Variants in OTUD5 observed in about 807,000 individuals in gnomAD.
The protein encoded by OTUD5 is OTU deubiquitinase 5.
Under a neutral mutation model 36.3 loss-of-function variants are expected in OTUD5, and 2 were observed. The ratio of observed to expected loss-of-function variants is 0.06; its 90% CI spans 0.02 to 0.17. The LOEUF is 0.17. Among genes scored for constraint, OTUD5 ranks in the 10% least tolerant of loss-of-function variants. The pLI is 1.00. For synonymous variants in OTUD5, 234 were observed against 214.9 expected (o/e 1.09, Z -0.78); for missense variants, 233 against 512.3 (o/e 0.45, Z 5.26).
intron 2 of OTUD5, among the ~76,000 whole-genome samples, chrX:48,942,479 G>T (rs1410812544): frequency 9.0e-6 from 1 of 110,833 alleles, no homozygotes; most frequent in Non-Finnish European, 1.9e-5. Flanking sequence ...CCCACATCTA[G>T]CCTGAGGTCT....
intron 2 of OTUD5, among the ~76,000 whole-genome samples, chrX:48,941,844 A>G (rs2063929375): frequency 8.9e-6 from 1 of 111,804 alleles, no homozygotes; most frequent in Non-Finnish European, 1.9e-5. Context: ...TCCCCTTCCC[A>G]GGCACATGTA....
At chrX:48,945,914 G>A (rs2064019878) in intron 1 of OTUD5, among the ~76,000 whole-genome samples, 1 of 110,864 alleles carries the variant, frequency 9.0e-6, no homozygotes, top group South Asian at 3.7e-4. Flanking sequence ...CCAACCAGAA[G>A]CAGCAGACCT....
chrX:48,947,226 A>C (rs1022692245), intron 1 of OTUD5, among the ~76,000 whole-genome samples: 2 of 110,224 alleles, frequency 1.8e-5, no homozygotes, highest in Admixed American at 9.6e-5. Context: ...TAAAAAATAC[A>C]AAAAAAAATT....
At chrX:48,951,373 G>A (rs1236580337) in intron 1 of OTUD5, among the ~76,000 whole-genome samples, 3 of 112,020 alleles carry the variant, frequency 2.7e-5, no homozygotes. Flanking sequence ...CCAGCACTTT[G>A]GGAGGCCGAG....
intron 1 of OTUD5, among the ~76,000 whole-genome samples, chrX:48,953,108 G>A (rs1371175977): frequency 8.9e-6 from 1 of 111,882 alleles, no homozygotes; most frequent in Non-Finnish European, 1.9e-5. Flanking sequence ...AGATGCTGAG[G>A]TCTGGAGGTG....
intron 1 of OTUD5, among the ~76,000 whole-genome samples, chrX:48,951,808 C>G (rs937496802): frequency 9.8e-5 from 11 of 112,082 alleles, no homozygotes; most frequent in African/African-American, 3.6e-4. Context: ...AATCCCAGCA[C>G]TTTGGGAGGC....
chrX:48,957,826 C>A, upstream of OTUD5: 1 of 761,654 alleles, frequency 1.3e-6, no homozygotes, highest in Non-Finnish European at 1.6e-6. Flanking sequence ...GCGAGTTTGT[C>A]TTAGCCTTCT....
intron 2 of OTUD5, among the ~76,000 whole-genome samples, chrX:48,941,806 G>A (rs1216250460): frequency 8.9e-6 from 1 of 111,812 alleles, no homozygotes; most frequent in Non-Finnish European, 1.9e-5. Flanking sequence ...GGCTGGAAAC[G>A]GGGGCAGCAA....
In OTUD5 at chrX:48,922,243, C is replaced by T. The variant is rs2063593077; in HGVS notation, c.*931G>A. 1 of 111,581 alleles carries T rather than the reference C, an allele frequency of 9.0e-6. No homozygotes were observed. 9.2% of individuals were successfully genotyped at this position (111,581 alleles called of 1,213,427 possible). The stretch of plus-strand genomic sequence containing the variant: ...ACATTTGGTTTTATTGTGCCAAGGA[C>T]ATTACAGATGGCGGATCTTGTCAAC... On this transcript the variant is annotated 3_prime_UTR_variant, in exon 9 of 9. Coordinates refer to ENST00000376488, the MANE Select transcript of OTUD5 (RefSeq NM_001136157.2).
At chrX:48,935,218 AAG>A (rs2063811632) in intron 2 of OTUD5, among the ~76,000 whole-genome samples, 200 bp from the exon 3 acceptor site, 1 of 112,185 alleles carries the variant, frequency 8.9e-6, no homozygotes, top group African/African-American at 3.2e-5. Flanking sequence ...CTTGAAGAAC[AAG>A]AGAGTGCAGG....
chrX:48,947,857 G>A (rs1429594455), intron 1 of OTUD5, among the ~76,000 whole-genome samples: 1 of 112,027 alleles, frequency 8.9e-6, no homozygotes, highest in South Asian at 3.7e-4. Flanking sequence ...CGAAGTACCA[G>A]GAATGCCTGG....
intron 2 of OTUD5, among the ~76,000 whole-genome samples, chrX:48,939,352 A>G (rs960503696): frequency 2.7e-5 from 3 of 111,239 alleles, no homozygotes; most frequent in African/African-American, 9.8e-5. Context: ...GAGATTATAG[A>G]TATCAGGGGC....
chrX:48,942,303 C>T (rs1158318507), intron 2 of OTUD5, among the ~76,000 whole-genome samples: 1 of 89,194 alleles, frequency 1.1e-5, no homozygotes, highest in Non-Finnish European at 2.2e-5. Context: ...GCTAGATACA[C>T]ACACACACAC....
intron 2 of OTUD5, chrX:48,936,262 G>A: frequency 8.9e-6 from 1 of 111,733 alleles, no homozygotes; most frequent in East Asian, 2.8e-4. Flanking sequence ...TCAAACTAAG[G>A]CGAGAAGGAA....
intron 5 of OTUD5, among the ~76,000 whole-genome samples, chrX:48,928,511 T>C (rs2063700162): frequency 9.0e-6 from 1 of 111,363 alleles, no homozygotes; most frequent in South Asian, 3.7e-4. Flanking sequence ...GTCTGTCACA[T>C]TGACCATTTT....
At position 48,937,111 on chromosome X, in the gene OTUD5, A is replaced by AG. The variant is rs782059188; in HGVS notation, c.689-2094dup. Among the ~76,000 whole-genome samples the AG allele has an allele frequency of 1.4e-4, 16 of 111,625 alleles. 1 individual carries two copies. The South Asian group carries it at 3.3e-3, about 23-fold the overall frequency. Reference sequence around the variant, plus strand: ...GGGTGTGGAGGTTGTGAAGGCGGGAAGGGGGGTAGCCCCTTCACCAATGTA... The same window carrying AG: ...GGGTGTGGAGGTTGTGAAGGCGGGAAGGGGGGGTAGCCCCTTCACCAATGTA... On this transcript the variant is annotated intron_variant, in intron 2 of 8. Coordinates refer to ENST00000376488, the MANE Select transcript of OTUD5 (RefSeq NM_001136157.2).
intron 2 of OTUD5, among the ~76,000 whole-genome samples, chrX:48,942,961 TA>T (rs1387896457): frequency 1.8e-5 from 2 of 110,638 alleles, no homozygotes; most frequent in Non-Finnish European, 3.8e-5. Flanking sequence ...GGATGGAGCC[TA>T]AAACACCCCA....
upstream of OTUD5, chrX:48,957,728 AGGCGGCGGCGGCGGCGGC>A: frequency 1.5e-6 from 1 of 670,217 alleles, no homozygotes; most frequent in African/African-American, 2.5e-5. Context: ...GCGGCGGAGG[AGGCGGCGGCGGCGGCGGC>A]GGCGGTGGCG....
At chrX:48,928,695 A>C (rs1051085968) in intron 5 of OTUD5, among the ~76,000 whole-genome samples, 2 of 109,767 alleles carry the variant, frequency 1.8e-5, no homozygotes, top group African/African-American at 6.6e-5. Context: ...TTAGCCAGGC[A>C]TGGTGGTGTG....
Sources: allele counts gnomAD v4.1 joint callset (sites outside exome capture counted in the v4.1 genomes callset), GRCh38; gene constraint gnomAD v4.1.1; transcripts MANE v1.5; gene names NCBI Gene and HGNC (gene_info 2026-07-23, HGNC 2026-07-21).